Variants in CLDN16 observed in about 807,000 individuals in gnomAD.
CLDN16 encodes claudin-16.
A neutral mutation model predicts 24.6 loss-of-function variants in CLDN16; 13 were observed. The ratio of observed to expected loss-of-function variants is 0.53; its 90% CI spans 0.34 to 0.84. The LOEUF (loss-of-function observed/expected upper bound fraction) is 0.84, where lower values mean the gene tolerates loss of function less well. CLDN16 is among the 40% of genes least tolerant of loss of function. The pLI is 0.01. For missense variants in CLDN16, 298 were observed against 292.7 expected (o/e 1.02, Z -0.13); for synonymous variants, 116 against 106.7 (o/e 1.09, Z -0.54).
At chr3:190,293,177 G>A in the CLDN16 span, among the ~76,000 whole-genome samples, 1 of 152,198 alleles carries the variant, frequency 6.6e-6, no homozygotes, top group Non-Finnish European at 1.5e-5. Context: ...TTACATGGCA[G>A]CAGGCAAGAG....
chr3:190,317,561 TAG>T (rs1043459225), upstream of CLDN16, among the ~76,000 whole-genome samples: 12 of 152,228 alleles, frequency 7.9e-5, no homozygotes, highest in African/African-American at 2.9e-4. Context: ...GCTACACAAG[TAG>T]TAGAATCTAC....
chr3:190,321,985 G>A (rs1327689471), upstream of CLDN16: 2 of 1,613,994 alleles, frequency 1.2e-6, no homozygotes, highest in African/African-American at 2.7e-5. Flanking sequence ...TGCACTCACT[G>A]CTCAGATTCA....
At chr3:190,304,497 G>A in the CLDN16 span, among the ~76,000 whole-genome samples, 5 of 152,102 alleles carry the variant, frequency 3.3e-5, no homozygotes, top group Admixed American at 2.0e-4. Flanking sequence ...CTTATCAATA[G>A]AAGTGGAGTG....
chr3:190,317,514 A>G, the CLDN16 span, among the ~76,000 whole-genome samples: 1 of 152,256 alleles, frequency 6.6e-6, no homozygotes, highest in Admixed American at 6.5e-5. Context: ...GTAGAAAGAC[A>G]GACATATATG....
chr3:190,380,710 G>A (rs1393872859), intron 3 of CLDN16, among the ~76,000 whole-genome samples: 2 of 152,082 alleles, frequency 1.3e-5, no homozygotes, highest in South Asian at 2.1e-4. Flanking sequence ...CCAGGAGGCA[G>A]AGGTTGCAGT....
intron 1 of CLDN16, among the ~76,000 whole-genome samples, chr3:190,323,336 C>A (rs564682608): frequency 6.6e-6 from 1 of 152,138 alleles, no homozygotes; most frequent in Non-Finnish European, 1.5e-5. Flanking sequence ...ATGTAAACAG[C>A]GTTTCCCCAG....
At chr3:190,386,798 T>G (rs536256922), upstream of CLDN16, among the ~76,000 whole-genome samples, 1 of 152,244 alleles carries the variant, frequency 6.6e-6, no homozygotes, top group South Asian at 2.1e-4. Context: ...ACATTTAAAT[T>G]TACGTTTTAT....
At chr3:190,317,911 G>A (rs868431264), upstream of CLDN16, among the ~76,000 whole-genome samples, 3 of 152,216 alleles carry the variant, frequency 2.0e-5, no homozygotes, top group South Asian at 6.2e-4. Context: ...CTTTGCATCT[G>A]TAGTTGCTTA....
At chr3:190,301,006 A>G in the CLDN16 span, among the ~76,000 whole-genome samples, 1 of 152,212 alleles carries the variant, frequency 6.6e-6, no homozygotes, top group Non-Finnish European at 1.5e-5. Context: ...TTAACCAGCT[A>G]GCCTAGTGAT....
At chr3:190,298,703 G>T in the CLDN16 span, among the ~76,000 whole-genome samples, 1 of 151,856 alleles carries the variant, frequency 6.6e-6, no homozygotes, top group African/African-American at 2.4e-5. Context: ...CTCCCAAAGT[G>T]CTGGGATTAC....
intron 1 of CLDN16, among the ~76,000 whole-genome samples, chr3:190,334,305 G>A (rs1473275857): frequency 6.6e-6 from 1 of 152,166 alleles, no homozygotes; most frequent in Non-Finnish European, 1.5e-5. Flanking sequence ...AAGAGGAAAA[G>A]TATTTGAGAA....
At chr3:190,399,036 A>G (rs1420062850) in intron 1 of CLDN16, among the ~76,000 whole-genome samples, 3 of 152,178 alleles carry the variant, frequency 2.0e-5, no homozygotes, top group Non-Finnish European at 4.4e-5. Context: ...AATCCTCCAG[A>G]AAGTCCAAGA....
rs1275555836 is a variant in CLDN16, at chr3:190,379,713, G to A, written n.306+5110G>A. Among the ~76,000 whole-genome samples the A allele has an allele frequency of 2.0e-5, 3 of 152,018 alleles. No homozygotes were observed. The South Asian group carries it at 6.2e-4, about 31-fold the overall frequency. ...AAGTTGTTTATAAGATGCTTCTCAC[G>A]AACACATTTCTTAATACAGTGATGC... On this transcript the variant is annotated intron_variant and non_coding_transcript_variant, in intron 3 of 4. Coordinates refer to the CLDN16 transcript ENST00000468220.
rs150425661 is a variant in CLDN16 at position 190,390,361 on chromosome 3, C to G, written c.114+1918C>G. Among the ~76,000 whole-genome samples, 1,150 of 152,222 alleles carry G rather than the reference C, an allele frequency of 7.6e-3. 17 individuals carry two copies. Among genetic ancestry groups the G allele is most frequent in the African/African-American group, 0.027 (1,111 of 41,528 alleles). ...CCATCCTGGCCGACATAGTGAAACCCCATCTCTAACAAAAATACAAAAATT... is the reference window on the plus strand; with the variant it reads ...CCATCCTGGCCGACATAGTGAAACCGCATCTCTAACAAAAATACAAAAATT... On this transcript the variant is annotated intron_variant, in intron 1 of 4. Transcript: ENST00000264734.
the CLDN16 span, chr3:190,308,538 C>G: frequency 8.7e-7 from 1 of 1,153,642 alleles, no homozygotes; most frequent in Non-Finnish European, 1.3e-6. Flanking sequence ...GTATTTTTTT[C>G]ATTGAAAATA....
At chr3:190,394,668 C>T (rs937010699) in intron 1 of CLDN16, among the ~76,000 whole-genome samples, 1 of 152,108 alleles carries the variant, frequency 6.6e-6, no homozygotes, top group Non-Finnish European at 1.5e-5. Context: ...CATTTGCTCA[C>T]ATGAGTTGAT....
intron 1 of CLDN16, among the ~76,000 whole-genome samples, chr3:190,336,816 G>T (rs1350311483): frequency 6.6e-6 from 1 of 152,232 alleles, no homozygotes; most frequent in Non-Finnish European, 1.5e-5. Flanking sequence ...TGTTCGCCAA[G>T]AACTGGACGC....
rs998383710 is a variant in CLDN16 at position 190,411,513 on chromosome 3, A to T, written c.*1477A>T. 1 of 149,326 alleles carries T rather than the reference A, an allele frequency of 6.7e-6. No individual in the cohort carries two copies. The highest frequency in any genetic ancestry group is 1.5e-5 in the Non-Finnish European group (1 of 67,990). The allele number at this position is 149,326 out of a possible 1,614,324, so 9.3% of individuals were successfully genotyped here. A position where few individuals can be genotyped will look rare whatever the true frequency, so the allele number is the denominator to read the frequency against. On this transcript the variant is annotated 3_prime_UTR_variant, in exon 5 of 5. Coordinates refer to ENST00000264734, the MANE Select transcript of CLDN16 (RefSeq NM_006580.4). ...GGTACCCTTGCAGTACCTGAAAAGA[A>T]TATCAACCTGAAAAGAATATCAACT...
At chr3:190,392,876 G>C (rs1212424815) in intron 1 of CLDN16, among the ~76,000 whole-genome samples, 1 of 152,178 alleles carries the variant, frequency 6.6e-6, no homozygotes, top group Non-Finnish European at 1.5e-5. Flanking sequence ...CCATAGGCAA[G>C]GGTTTGTCGC....
Sources: gnomAD v4.1 joint callset for allele counts (sites outside exome capture counted in the v4.1 genomes callset) on GRCh38, gnomAD v4.1.1 for gene constraint, MANE v1.5 for transcripts, NCBI Gene and HGNC (gene_info 2026-07-23, HGNC 2026-07-21) for gene names.